TPX2: variants seen among roughly 807,000 people sequenced by gnomAD.
TPX2 encodes the protein targeting protein for Xklp2.
A neutral mutation model predicts 93.6 loss-of-function variants in TPX2; 21 were observed. The ratio of observed to expected loss-of-function variants is 0.22; its 90% CI spans 0.16 to 0.32. The LOEUF (loss-of-function observed/expected upper bound fraction) is 0.32. TPX2 is among the 10% of genes least tolerant of loss of function. The pLI is 1.00. For synonymous variants in TPX2, 281 were observed against 298.3 expected, an observed-to-expected ratio of 0.94 and a Z score of 0.60; for missense variants, 776 against 871.1, an observed-to-expected ratio of 0.89 and a Z score of 1.37.
chr20:31,797,564 C>G (rs1407937757), intron 16 of TPX2, 49 bp downstream of exon 16: 2 of 1,514,214 alleles, frequency 1.3e-6, no homozygotes, highest in Non-Finnish European at 9.1e-7. Context: ...TGTCAGACTT[C>G]CCAGTGGGAT....
At chr20:31,745,328 CTTT>C (rs11458149) in intron 2 of TPX2, among the ~76,000 whole-genome samples, 8 of 123,224 alleles carry the variant, frequency 6.5e-5, no homozygotes, top group Admixed American at 8.0e-5. Context: ...TAGGTAAACA[CTTT>C]TTTTTTTTTT....
chr20:31,756,597 AAATT>A (rs1463450673), intron 2 of TPX2, among the ~76,000 whole-genome samples: 1 of 151,910 alleles, frequency 6.6e-6, no homozygotes. Flanking sequence ...AACATTTAGA[AAATT>A]TATTTATTTA....
At chr20:31,761,083 A>G (rs1600365470) in intron 4 of TPX2, among the ~76,000 whole-genome samples, 1 of 152,328 alleles carries the variant, frequency 6.6e-6, no homozygotes, top group East Asian at 1.9e-4. Context: ...TTGTGCAACC[A>G]TCATCCTATC....
At chr20:31,751,876 G>A (rs1241373058) in intron 2 of TPX2, among the ~76,000 whole-genome samples, 1 of 152,152 alleles carries the variant, frequency 6.6e-6, no homozygotes, top group Non-Finnish European at 1.5e-5. Context: ...CCGAGTAGCT[G>A]GGATTACAGG....
chr20:31,754,685 A>G (rs2061840713), intron 2 of TPX2, among the ~76,000 whole-genome samples: 1 of 152,156 alleles, frequency 6.6e-6, no homozygotes, highest in South Asian at 2.1e-4. Flanking sequence ...GGGAAGAATT[A>G]TGGATGTGTA....
intron 4 of TPX2, 138 bp downstream of exon 4, chr20:31,760,317 T>C: frequency 1.7e-6 from 2 of 1,162,664 alleles, no homozygotes; most frequent in Non-Finnish European, 2.4e-6. Context: ...CATTTCATGA[T>C]AAATGTAAAA....
intron 2 of TPX2, among the ~76,000 whole-genome samples, chr20:31,745,476 C>T (rs917191845): frequency 3.3e-5 from 5 of 152,040 alleles, no homozygotes; most frequent in African/African-American, 7.2e-5. Context: ...ATTACAGGCA[C>T]GCCACCACAC....
At chr20:31,763,753 CT>C (rs1367495869) in intron 4 of TPX2, among the ~76,000 whole-genome samples, 6 of 147,536 alleles carry the variant, frequency 4.1e-5, no homozygotes, top group Admixed American at 1.4e-4. Flanking sequence ...GACGTGATAC[CT>C]CATGCCTGTA....
intron 5 of TPX2, among the ~76,000 whole-genome samples, chr20:31,769,625 A>G (rs1190160463): frequency 1.3e-5 from 2 of 152,118 alleles, no homozygotes. Context: ...CGCCCAGCCT[A>G]TCTAATGATC....
At chr20:31,746,970 A>G (rs2061786979) in intron 2 of TPX2, among the ~76,000 whole-genome samples, 1 of 152,184 alleles carries the variant, frequency 6.6e-6, no homozygotes, top group Admixed American at 6.5e-5. Context: ...TTTTTACATC[A>G]GGAAACCATC....
At chr20:31,784,017 G>T in intron 12 of TPX2, 96 bp downstream of exon 12, 3 of 1,330,514 alleles carry the variant, frequency 2.3e-6, no homozygotes, top group Non-Finnish European at 2.1e-6. Context: ...TATGAGCAGG[G>T]CATCATATTA....
At chr20:31,800,001 C>T (rs912117445) in intron 17 of TPX2, among the ~76,000 whole-genome samples, 45 of 151,550 alleles carry the variant, frequency 3.0e-4, no homozygotes, top group African/African-American at 9.0e-4. Flanking sequence ...AATCCTCACA[C>T]TTTGGGAGGC....
chr20:31,790,063 T>C (rs931091352), intron 12 of TPX2, among the ~76,000 whole-genome samples: 9 of 152,222 alleles, frequency 5.9e-5, no homozygotes, highest in Admixed American at 5.2e-4. Flanking sequence ...TTGTCTCTCT[T>C]CCACTTGCCC....
chr20:31,800,985 C>G lies in TPX2; in HGVS notation c.2149C>G (p.Pro717Ala), dbSNP rs1767629501. Reference sequence around the variant, plus strand: ...TACTTTGCAGGTGCATAAGGCAAATCCAATACGCAAGTACCAGGGTCTGGA... The same window carrying G: ...TACTTTGCAGGTGCATAAGGCAAATGCAATACGCAAGTACCAGGGTCTGGA... ...LRRELVHKANPIRKYQGLEIK... is the reference protein window; with the variant it reads ...LRRELVHKANAIRKYQGLEIK... Residue 717 changes from proline (P) to alanine (A), a missense_variant, in exon 18 of 18, where the codon CCA becomes GCA. Pro to Ala is a conservative substitution (Grantham distance 27, BLOSUM62 -1). This residue lies in a region of TPX2 where 461 missense variants were observed against 551.2 expected (regional missense o/e 0.84). Transcript: ENST00000300403. 2.5e-6 allele frequency: 4 copies of G among 1,614,002 alleles called. No individual in the cohort carries two copies. The Admixed American group carries it at 5.0e-5, about 20-fold the overall frequency.
chr20:31,742,852 T>C (rs117022348), intron 2 of TPX2, among the ~76,000 whole-genome samples: 571 of 152,328 alleles, frequency 3.7e-3, no homozygotes, highest in Middle Eastern at 0.024. Context: ...ATAATTTTTT[T>C]CTATGTCTAT....
chr20:31,743,104 C>T (rs1007558122), intron 2 of TPX2, among the ~76,000 whole-genome samples: 2 of 152,130 alleles, frequency 1.3e-5, no homozygotes. Flanking sequence ...ATCTCAGCTA[C>T]TTGGGAGACT....
chr20:31,786,442 C>T (rs993139864), intron 12 of TPX2, among the ~76,000 whole-genome samples: 1 of 143,646 alleles, frequency 7.0e-6, no homozygotes, highest in African/African-American at 2.7e-5. Context: ...GTTGCCCAGG[C>T]TAGAGTGCAG....
intron 2 of TPX2, 150 bp from the exon 3 acceptor site, chr20:31,757,257 T>C: frequency 1.9e-6 from 1 of 512,898 alleles, no homozygotes; most frequent in Non-Finnish European, 3.5e-6. Context: ...ATCTTTAAGT[T>C]ACCTGAAAAA....
chr20:31,760,005 A>G, intron 3 of TPX2, 52 bp from the exon 4 acceptor site: 1 of 1,601,528 alleles, frequency 6.2e-7, no homozygotes, highest in Non-Finnish European at 8.5e-7. Context: ...CGTGATAGTG[A>G]TTTGTTTTGC....
Sources: allele counts gnomAD v4.1 joint callset (sites outside exome capture counted in the v4.1 genomes callset), GRCh38; gene constraint gnomAD v4.1.1; regional missense constraint gnomAD v4.1.1; transcripts MANE v1.5; gene names NCBI Gene and HGNC (gene_info 2026-07-23, HGNC 2026-07-21).